LPIN1: variants seen among roughly 807,000 people sequenced by gnomAD.
LPIN1 encodes lipin 1.
LPIN1 carries 71 observed loss-of-function variants against 107.5 expected under a neutral mutation model. The observed-to-expected ratio is 0.66, with a 90% CI of 0.55 to 0.80. The LOEUF (loss-of-function observed/expected upper bound fraction) is 0.80. Among genes scored for constraint, LPIN1 ranks in the 30% least tolerant of loss-of-function variants. LPIN1 has a pLI of 0.00. For synonymous variants in LPIN1, 445 were observed against 452.6 expected, an observed-to-expected ratio of 0.98 and a Z score of 0.21; for missense variants, 1,043 against 1,160.6, an observed-to-expected ratio of 0.90 and a Z score of 1.47.
chr2:11,688,374 G>A (rs911181332), intron 1 of LPIN1, among the ~76,000 whole-genome samples: 6 of 152,208 alleles, frequency 3.9e-5, no homozygotes, highest in African/African-American at 9.6e-5. Flanking sequence ...CTACCACTCT[G>A]GAGTTGCAGG....
chr2:11,713,506 G>A (rs2148525941), intron 1 of LPIN1, among the ~76,000 whole-genome samples: 1 of 152,224 alleles, frequency 6.6e-6, no homozygotes, highest in East Asian at 1.9e-4. Flanking sequence ...CCTGACCTCA[G>A]GTGATCTGCC....
chr2:11,812,913 C>T (rs969991809), intron 17 of LPIN1, among the ~76,000 whole-genome samples: 8 of 151,092 alleles, frequency 5.3e-5, no homozygotes, highest in Non-Finnish European at 8.9e-5. Flanking sequence ...TGGGTGGTGC[C>T]GAGGGTGGAG....
rs1406076624 is a variant in LPIN1 at position 11,774,974 on chromosome 2, A to G, written c.723-1112A>G. On this transcript the variant is annotated intron_variant, in intron 5 of 20. Transcript: ENST00000674199. This position sits in a 1 kb window ranked among gnomAD's most constrained non-coding sequence, Gnocchi z 4.4. ...CCCTATTTTTAAAAAGTAAAAAAAAAAAAAAAAGATGAAATTAATTTTAAA... is the reference window on the plus strand; with the variant it reads ...CCCTATTTTTAAAAAGTAAAAAAAAGAAAAAAAGATGAAATTAATTTTAAA... Among the ~76,000 whole-genome samples the G allele has an allele frequency of 6.6e-6, 1 of 152,166 alleles. No individual in the cohort carries two copies. Among genetic ancestry groups the G allele is most frequent in the Non-Finnish European group, 1.5e-5 (1 of 68,026 alleles).
chr2:11,692,624 C>T (rs1295703943), intron 1 of LPIN1, among the ~76,000 whole-genome samples: 6 of 151,148 alleles, frequency 4.0e-5, no homozygotes, highest in African/African-American at 1.2e-4. Context: ...CCTACACATG[C>T]GTCCACCTCC....
intron 12 of LPIN1, among the ~76,000 whole-genome samples, chr2:11,789,575 C>T (rs551135103): frequency 0.017 from 2,503 of 147,700 alleles, 59 homozygotes; most frequent in African/African-American, 0.055. Context: ...TGTGTGTGTG[C>T]GTGTGTGTGT....
chr2:11,824,679 A>C lies in LPIN1; in HGVS notation c.2669A>C (p.Lys890Thr). ...GTCGACCACGTTTTCCCGTTGCTGAAAAGAAGCCATTCTTCAGACTTTCCC... is the reference window on the plus strand; with the variant it reads ...GTCGACCACGTTTTCCCGTTGCTGACAAGAAGCCATTCTTCAGACTTTCCC... The part of the protein sequence containing the change: ...EVVDHVFPLL[K>T]RSHSSDFPCS... Residue 890 changes from lysine to threonine, a missense_variant, in exon 21 of 21, where the codon AAA (lysine) becomes ACA (threonine). Transcript: ENST00000674199. The C allele has an allele frequency of 6.2e-7, 1 of 1,614,112 alleles. No individual in the cohort carries two copies. The highest frequency in any genetic ancestry group is 8.5e-7 in the Non-Finnish European group (1 of 1,180,024).
chr2:11,780,009 T>A (rs1264650816), intron 7 of LPIN1, among the ~76,000 whole-genome samples: 1 of 151,926 alleles, frequency 6.6e-6, no homozygotes, highest in Non-Finnish European at 1.5e-5. Flanking sequence ...GCCTCCCGAG[T>A]AGCTGGGATT....
chr2:11,755,209 C>T (rs1202891187), intron 1 of LPIN1, among the ~76,000 whole-genome samples: 4 of 152,116 alleles, frequency 2.6e-5, no homozygotes, highest in East Asian at 1.9e-4. Context: ...CCTCGTGATC[C>T]GCCCGCCTCA....
Position 11,827,243 on chromosome 2 carries a change from A to C in LPIN1, c.*2452A>C, listed in dbSNP as rs1452130459. The stretch of plus-strand genomic sequence containing the variant: ...ACTTTCAAAGAGAATTCCCTTTGCA[A>C]TTTTATGTTTGGATCACCACTGTAA... On this transcript the variant is annotated 3_prime_UTR_variant, in exon 21 of 21. Transcript: ENST00000674199. The surrounding 1 kb of genome is among the most constrained non-coding windows in gnomAD (Gnocchi z 4.1). 1 of 152,544 alleles carries C rather than the reference A, an allele frequency of 6.6e-6. No homozygotes were observed. The highest frequency in any genetic ancestry group is 1.9e-4 in the East Asian group (1 of 5,198). 9.4% of individuals were successfully genotyped at this position (152,544 alleles called of 1,614,324 possible).
chr2:11,791,689 C>T (rs915444157), intron 12 of LPIN1: 4 of 1,373,384 alleles, frequency 2.9e-6, no homozygotes, highest in African/African-American at 3.0e-5. Context: ...TTTGTTTATT[C>T]CTTTAACATC....
chr2:11,678,629 C>T (rs151149323), intron 1 of LPIN1, among the ~76,000 whole-genome samples: 1 of 152,308 alleles, frequency 6.6e-6, no homozygotes, highest in East Asian at 1.9e-4. Flanking sequence ...AAGCACTTGT[C>T]GCCTGTCACT....
chr2:11,724,349 G>T, exon 1 of LPIN1: 1 of 986,092 alleles, frequency 1.0e-6, no homozygotes, highest in South Asian at 4.7e-5. Context: ...GGGCATGGAT[G>T]AAAGCAAGCT....
chr2:11,784,720 T>C, intron 9 of LPIN1, 166 bp from the exon 10 acceptor site: 1 of 729,388 alleles, frequency 1.4e-6, no homozygotes, highest in African/African-American at 1.7e-5. Flanking sequence ...AGCTAAGGCG[T>C]TTAATGTCTC....
chr2:11,681,664 C>T (rs960552196), intron 1 of LPIN1, among the ~76,000 whole-genome samples: 4 of 152,312 alleles, frequency 2.6e-5, no homozygotes, highest in African/African-American at 7.2e-5. Context: ...ACCACGTCCC[C>T]GTGCTGCCCC....
At chr2:11,687,908 A>T (rs914592450) in intron 1 of LPIN1, among the ~76,000 whole-genome samples, 1 of 152,240 alleles carries the variant, frequency 6.6e-6, no homozygotes, top group Non-Finnish European at 1.5e-5. Flanking sequence ...GGCCGAGAGG[A>T]CACCGGGGGC....
At position 11,684,067 on chromosome 2, in the gene LPIN1, T is replaced by C. The variant is rs116469435; in HGVS notation, c.81+6339T>C. On this transcript the variant is annotated intron_variant, in intron 1 of 21. Transcript: ENST00000449576. ...AGGCAAAGTATCCATTTAGTGAAAA[T>C]TCAGTGTGAACTGTACAGTCTGTGA... Among the ~76,000 whole-genome samples the C allele has an allele frequency of 3.6e-3, 550 of 152,342 alleles. 3 individuals are homozygous for C. The highest frequency in any genetic ancestry group is 0.012 in the African/African-American group (514 of 41,574).
intron 17 of LPIN1, among the ~76,000 whole-genome samples, chr2:11,806,227 A>C (rs771981156): frequency 7.2e-5 from 11 of 152,292 alleles, no homozygotes; most frequent in Admixed American, 4.6e-4. Context: ...CACCATCCAG[A>C]GCTGTTTCTA....
chr2:11,821,094 T>G (rs1681431642), intron 20 of LPIN1, among the ~76,000 whole-genome samples: 1 of 152,208 alleles, frequency 6.6e-6, no homozygotes, highest in Non-Finnish European at 1.5e-5. Flanking sequence ...ATGGAGAGCA[T>G]TTCCTCATTC....
chr2:11,715,010 A>C (rs1374084449), intron 2 of LPIN1, among the ~76,000 whole-genome samples: 1 of 152,212 alleles, frequency 6.6e-6, no homozygotes, highest in Non-Finnish European at 1.5e-5. Flanking sequence ...TTTATTTCCA[A>C]GGGGATTGGC....
Sources: gnomAD v4.1 joint callset for allele counts (sites outside exome capture counted in the v4.1 genomes callset) on GRCh38, gnomAD v4.1.1 for gene constraint, Gnocchi (gnomAD v3.1) non-coding constraint, MANE v1.5 for transcripts, NCBI Gene and HGNC (gene_info 2026-07-23, HGNC 2026-07-21) for gene names.